The following FBXL17 variants were observed in gnomAD, a reference collection of about 807,000 sequenced individuals.
FBXL17 encodes the protein F-box/LRR-repeat protein 17.
FBXL17 carries 22 observed loss-of-function variants against 66.2 expected under a neutral mutation model. The ratio of observed to expected loss-of-function variants is 0.33; its 90% CI spans 0.24 to 0.47. The LOEUF (loss-of-function observed/expected upper bound fraction) is 0.47, where lower values mean the gene tolerates loss of function less well. Among genes scored for constraint, FBXL17 ranks in the 20% least tolerant of loss-of-function variants. FBXL17 has a pLI of 1.00. For missense variants in FBXL17, 878 were observed against 948.2 expected, an observed-to-expected ratio of 0.93 and a Z score of 0.97; for synonymous variants, 474 against 400.5, an observed-to-expected ratio of 1.18 and a Z score of -2.19.
At chr5:108,100,514 C>T (rs1346083280) in intron 6 of FBXL17, among the ~76,000 whole-genome samples, 1 of 152,094 alleles carries the variant, frequency 6.6e-6, no homozygotes, top group African/African-American at 2.4e-5. Context: ...AAAAGATCTT[C>T]AGATTTTAAA....
At chr5:108,092,027 C>T (rs932298491) in intron 6 of FBXL17, among the ~76,000 whole-genome samples, 1 of 152,148 alleles carries the variant, frequency 6.6e-6, no homozygotes, top group African/African-American at 2.4e-5. Flanking sequence ...TGTTTATTTT[C>T]TGGCATTAGC....
intron 5 of FBXL17, among the ~76,000 whole-genome samples, chr5:108,192,311 A>G (rs1356244571): frequency 6.6e-6 from 1 of 152,228 alleles, no homozygotes; most frequent in African/African-American, 2.4e-5. Context: ...AAAGCCTTAC[A>G]ATCAAGATCT....
intron 6 of FBXL17, among the ~76,000 whole-genome samples, chr5:108,062,353 A>G (rs576844127): frequency 6.6e-6 from 1 of 152,308 alleles, no homozygotes; most frequent in Non-Finnish European, 1.5e-5. Flanking sequence ...TTCTGTGGTC[A>G]TGGATACGAG....
intron 4 of FBXL17, among the ~76,000 whole-genome samples, chr5:108,339,319 G>C (rs1746725042): frequency 6.6e-6 from 1 of 152,236 alleles, no homozygotes; most frequent in South Asian, 2.1e-4. Flanking sequence ...TAGAAAGGTA[G>C]TTCAGGAAAA....
intron 7 of FBXL17, among the ~76,000 whole-genome samples, chr5:107,998,092 A>G (rs948018859): frequency 1.3e-5 from 2 of 152,240 alleles, no homozygotes; most frequent in East Asian, 3.8e-4. Flanking sequence ...AAGACTTACT[A>G]TAAGTAAAGA....
intron 5 of FBXL17, among the ~76,000 whole-genome samples, chr5:108,202,791 T>G (rs182980821): frequency 6.6e-6 from 1 of 152,294 alleles, no homozygotes; most frequent in African/African-American, 2.4e-5. Flanking sequence ...GGCCTGTGGT[T>G]GACTGCAGGT....
intron 4 of FBXL17, among the ~76,000 whole-genome samples, chr5:108,316,818 T>C (rs183870206): frequency 2.0e-5 from 3 of 151,102 alleles, no homozygotes; most frequent in African/African-American, 7.3e-5. Context: ...TTTTTAGAGA[T>C]CAGTAATCAC....
chr5:108,316,749 G>T (rs1759383088), intron 4 of FBXL17, among the ~76,000 whole-genome samples: 1 of 150,772 alleles, frequency 6.6e-6, no homozygotes, highest in South Asian at 2.1e-4. Context: ...CCAGATAACA[G>T]CATACTAAAA....
chr5:107,929,539 T>C (rs770862693), intron 7 of FBXL17, among the ~76,000 whole-genome samples: 32 of 152,188 alleles, frequency 2.1e-4, no homozygotes, highest in Non-Finnish European at 2.8e-4. Flanking sequence ...TATTCTGGTA[T>C]TGAGAGTTTC....
At chr5:108,237,038 G>A (rs10074895) in intron 4 of FBXL17, among the ~76,000 whole-genome samples, 13 of 152,104 alleles carry the variant, frequency 8.5e-5, no homozygotes, top group East Asian at 1.9e-4. Flanking sequence ...AGACAGCAAC[G>A]GTGGGCATTG....
intron 6 of FBXL17, among the ~76,000 whole-genome samples, chr5:108,045,664 T>C (rs1747226811): frequency 6.6e-6 from 1 of 152,202 alleles, no homozygotes; most frequent in South Asian, 2.1e-4. Flanking sequence ...TGTATTTTCA[T>C]GTCAATTTAG....
At chr5:107,954,077 G>C (rs1414720110) in intron 7 of FBXL17, among the ~76,000 whole-genome samples, 1 of 152,136 alleles carries the variant, frequency 6.6e-6, no homozygotes, top group Admixed American at 6.5e-5. Flanking sequence ...GTTATTGGCT[G>C]ACATATCTCT....
intron 7 of FBXL17, among the ~76,000 whole-genome samples, chr5:107,931,456 T>C (rs1580723230): frequency 6.6e-6 from 1 of 151,916 alleles, no homozygotes; most frequent in Non-Finnish European, 1.5e-5. Context: ...AGACGGAGTT[T>C]TCCCATGTTG....
At chr5:108,373,320 T>A (rs1323936685) in intron 1 of FBXL17, among the ~76,000 whole-genome samples, 1 of 90,642 alleles carries the variant, frequency 1.1e-5, no homozygotes, top group African/African-American at 4.5e-5. Context: ...ATATATTAAA[T>A]TTTTATTAAT....
In FBXL17 at chr5:108,048,294, C is replaced by A. The variant is rs932413326; in HGVS notation, c.1746-27293G>T. On this transcript the variant is annotated intron_variant, in intron 6 of 8. Coordinates refer to ENST00000542267, the MANE Select transcript of FBXL17 (RefSeq NM_001163315.3). ...CAACAACAGAAGTCCCCACACAAAC[C>A]CCATCCAAGGGTCAGCAGTCTCAAA... is the stretch of plus-strand genomic sequence containing the variant. Among the ~76,000 whole-genome samples, 73 of 152,230 alleles carry A rather than the reference C, an allele frequency of 4.8e-4. No homozygotes were observed. In the Middle Eastern group the frequency reaches 0.01, roughly 21 times the overall value.
At chr5:107,916,610 T>C (rs1205588387) in intron 7 of FBXL17, among the ~76,000 whole-genome samples, 1 of 152,206 alleles carries the variant, frequency 6.6e-6, no homozygotes, top group African/African-American at 2.4e-5. Context: ...AAGTCAAGTC[T>C]AAAATTTGCT....
intron 6 of FBXL17, among the ~76,000 whole-genome samples, chr5:108,118,344 T>C (rs575445579): frequency 9.1e-4 from 139 of 152,310 alleles, no homozygotes; most frequent in African/African-American, 3.3e-3. Flanking sequence ...TTCTTTTCCA[T>C]CCAAAAGTTG....
At chr5:108,298,267 T>C in intron 4 of FBXL17, 2 of 984,752 alleles carry the variant, frequency 2.0e-6, no homozygotes, top group Non-Finnish European at 2.4e-6. Flanking sequence ...TTCTTACTAC[T>C]ATGTGAACAA....
chr5:108,366,665 T>C (rs1748685154), intron 2 of FBXL17, among the ~76,000 whole-genome samples: 1 of 152,048 alleles, frequency 6.6e-6, no homozygotes, highest in Non-Finnish European at 1.5e-5. Flanking sequence ...AGCTGATAGA[T>C]TGCTTTACAC....
Sources: gnomAD v4.1 joint callset for allele counts (sites outside exome capture counted in the v4.1 genomes callset) on GRCh38, gnomAD v4.1.1 for gene constraint, MANE v1.5 for transcripts, NCBI Gene and HGNC (gene_info 2026-07-23, HGNC 2026-07-21) for gene names.